Variants in SPMIP2 observed in about 807,000 individuals in gnomAD.
SPMIP2 encodes protein SPMIP2.
chr4:159,052,820 A>G, the SPMIP2 span, among the ~76,000 whole-genome samples: 1 of 150,226 alleles, frequency 6.7e-6, no homozygotes, highest in African/African-American at 2.4e-5. Context: ...TTTTTAGTAG[A>G]GACGGGGGTT....
the SPMIP2 span, chr4:158,906,380 C>G: frequency 6.6e-6 from 1 of 152,200 alleles, no homozygotes; most frequent in Admixed American, 6.5e-5. Flanking sequence ...GGCACTTTCC[C>G]TCATTCACCA....
At chr4:159,042,376 T>C in the SPMIP2 span, among the ~76,000 whole-genome samples, 9 of 152,232 alleles carry the variant, frequency 5.9e-5, no homozygotes, top group Non-Finnish European at 1.0e-4. Flanking sequence ...CTTCTCTACA[T>C]TGGCCGTTGG....
At chr4:158,909,910 C>G in the SPMIP2 span, among the ~76,000 whole-genome samples, 1 of 152,114 alleles carries the variant, frequency 6.6e-6, no homozygotes, top group Non-Finnish European at 1.5e-5. Context: ...GCCGTGGTGG[C>G]ACGCGCCTGT....
the SPMIP2 span, chr4:159,026,590 A>C: frequency 2.4e-6 from 1 of 422,018 alleles, no homozygotes. Context: ...TTCAATGGGC[A>C]AATCTCCATA....
At chr4:158,982,923 G>C in the SPMIP2 span, among the ~76,000 whole-genome samples, 1 of 152,164 alleles carries the variant, frequency 6.6e-6, no homozygotes, top group Non-Finnish European at 1.5e-5. Context: ...AAAAAATTTA[G>C]ATGAATGTAT....
the SPMIP2 span, among the ~76,000 whole-genome samples, chr4:158,910,898 A>G: frequency 3.9e-5 from 6 of 152,170 alleles, no homozygotes; most frequent in African/African-American, 1.4e-4. Context: ...CAACACACAC[A>G]TCATTGGTTC....
At chr4:158,899,959 T>G in the SPMIP2 span, among the ~76,000 whole-genome samples, 4 of 152,234 alleles carry the variant, frequency 2.6e-5, no homozygotes, top group African/African-American at 9.6e-5. Flanking sequence ...TTTTAGATCT[T>G]TCCTGCTTTC....
At chr4:158,909,407 T>C in the SPMIP2 span, 74 of 152,144 alleles carry the variant, frequency 4.9e-4, no homozygotes, top group African/African-American at 1.8e-3. Context: ...GCTTCCCTGC[T>C]GTGTACTCGG....
the SPMIP2 span, among the ~76,000 whole-genome samples, chr4:158,930,498 A>G: frequency 8.0e-6 from 1 of 125,314 alleles, no homozygotes; most frequent in Non-Finnish European, 1.6e-5. Context: ...ATGAGCCTGT[A>G]ATGCCTGGCT....
chr4:159,047,445 G>C, the SPMIP2 span, among the ~76,000 whole-genome samples: 2 of 152,134 alleles, frequency 1.3e-5, no homozygotes, highest in African/African-American at 2.4e-5. Context: ...ATTTATGCTA[G>C]ATTTTAAATT....
At chr4:158,936,371 G>A in the SPMIP2 span, among the ~76,000 whole-genome samples, 3 of 152,206 alleles carry the variant, frequency 2.0e-5, no homozygotes, top group African/African-American at 7.2e-5. Context: ...CATTTTCCTT[G>A]CAGCATCAGA....
chr4:158,990,865 T>G, the SPMIP2 span, among the ~76,000 whole-genome samples: 1 of 92,976 alleles, frequency 1.1e-5, no homozygotes, highest in African/African-American at 3.4e-5. Flanking sequence ...CTCCAGAACT[T>G]AAAATATAAT....
chr4:158,975,051 T>C, the SPMIP2 span, among the ~76,000 whole-genome samples: 4 of 152,246 alleles, frequency 2.6e-5, no homozygotes, highest in Non-Finnish European at 5.9e-5. Flanking sequence ...ATTTCTCTAA[T>C]GACCAGTGAT....
chr4:159,024,606 C>T, the SPMIP2 span, among the ~76,000 whole-genome samples: 2 of 152,282 alleles, frequency 1.3e-5, no homozygotes, highest in South Asian at 2.1e-4. Flanking sequence ...TAAAAGCTTT[C>T]CACCAGAGGC....
chr4:159,080,992 G>C, the SPMIP2 span, among the ~76,000 whole-genome samples: 1 of 151,698 alleles, frequency 6.6e-6, no homozygotes, highest in East Asian at 1.9e-4. Context: ...CAAAGTTCTG[G>C]GATTACAGGC....
the SPMIP2 span, among the ~76,000 whole-genome samples, chr4:158,945,442 T>C: frequency 6.6e-6 from 1 of 152,230 alleles, no homozygotes; most frequent in Non-Finnish European, 1.5e-5. Context: ...AATGGTCTGA[T>C]TGAAAACTTT....
the SPMIP2 span, among the ~76,000 whole-genome samples, chr4:159,042,849 G>C: frequency 2.0e-5 from 3 of 152,050 alleles, no homozygotes; most frequent in South Asian, 4.1e-4. Flanking sequence ...TTTTAGTAGA[G>C]ACAGAGTTTT....
At chr4:158,999,040 T>C in the SPMIP2 span, among the ~76,000 whole-genome samples, 22 of 151,980 alleles carry the variant, frequency 1.4e-4, no homozygotes, top group African/African-American at 2.2e-4. Context: ...GGCACACACC[T>C]GTGGTCCCAG....
chr4:158,957,878 C>A, the SPMIP2 span, among the ~76,000 whole-genome samples: 1 of 152,162 alleles, frequency 6.6e-6, no homozygotes, highest in Non-Finnish European at 1.5e-5. Flanking sequence ...CGGATGGATT[C>A]GGGTCAGATG....
Sources: gnomAD v4.1 joint callset for allele counts (sites outside exome capture counted in the v4.1 genomes callset) on GRCh38, gnomAD v4.1.1 for gene constraint, MANE v1.5 for transcripts, NCBI Gene and HGNC (gene_info 2026-07-23, HGNC 2026-07-21) for gene names.